The following SRRM1 variants were observed in gnomAD, a reference collection of about 807,000 sequenced individuals.
SRRM1 encodes the protein serine/arginine repetitive matrix protein 1.
In SRRM1, 19 loss-of-function variants were observed where a neutral mutation model predicts 110.2. The ratio of observed to expected loss-of-function variants is 0.17; its 90% CI spans 0.12 to 0.25. The LOEUF is 0.25. SRRM1 is among the 10% of genes least tolerant of loss of function. SRRM1 has a pLI of 1.00. For missense variants in SRRM1, 918 were observed against 1,145.8 expected, an observed-to-expected ratio of 0.80 and a Z score of 2.87; for synonymous variants, 443 against 414.9, an observed-to-expected ratio of 1.07 and a Z score of -0.82.
At chr1:24,661,123 A>G in intron 10 of SRRM1, 187 bp from the exon 11 acceptor site, 2 of 553,772 alleles carry the variant, frequency 3.6e-6, no homozygotes, top group Non-Finnish European at 6.5e-6. Context: ...AAATTTTATT[A>G]TATTTGGTGA....
chr1:24,669,537 T>C lies in SRRM1; in HGVS notation c.2154T>C (p.Thr718=). The C allele has an allele frequency of 6.2e-7, 1 of 1,605,718 alleles. No individual in the cohort carries two copies. Among genetic ancestry groups the C allele is most frequent in the Non-Finnish European group, 8.5e-7 (1 of 1,176,022 alleles). The part of the protein sequence containing the change: ...PQRRQSPSPS[T]RPIRRVSRTP... Reference sequence around the variant, plus strand: ...GAAGGCAGTCCCCGTCTCCAAGTACTAGGCCCATTAGGAGAGTCTCCAGGA... The same window carrying C: ...GAAGGCAGTCCCCGTCTCCAAGTACCAGGCCCATTAGGAGAGTCTCCAGGA... Residue 718 remains threonine (T), a synonymous_variant, in exon 14 of 17, where the codon ACT becomes ACC. Transcript: ENST00000323848.
At chr1:24,660,675 C>A in intron 9 of SRRM1, 44 bp from the exon 10 acceptor site, 1 of 1,122,374 alleles carries the variant, frequency 8.9e-7, no homozygotes, top group Non-Finnish European at 1.3e-6. Flanking sequence ...TTGTATAGAC[C>A]TTTTTTTGTA....
At position 24,651,553 on chromosome 1, in the gene SRRM1, G is replaced by A; in HGVS notation, c.666G>A (p.Glu222=). Residue 222 remains glutamate (E), a synonymous_variant, in exon 6 of 17, where the codon GAG becomes GAA. Transcript: ENST00000323848. ...CAGAAAAGAAGGAAAAAACTCCAGAGCTCCCAGAACCTTCAGTGAAAGTAA... is the reference window on the plus strand; with the variant it reads ...CAGAAAAGAAGGAAAAAACTCCAGAACTCCCAGAACCTTCAGTGAAAGTAA... ...PAPEKKEKTP[E]LPEPSVKVKE... The A allele has an allele frequency of 3.1e-6, 5 of 1,614,012 alleles. No individual in the cohort carries two copies. Among genetic ancestry groups the A allele is most frequent in the Non-Finnish European group, 4.2e-6 (5 of 1,180,014 alleles).
At position 24,669,381 on chromosome 1, in the gene SRRM1, A is replaced by G. The variant is rs199504502; in HGVS notation, c.1998A>G (p.Pro666=). The change falls in exon 14 of 17, where the codon CCA becomes CCG. Residue 666 remains proline, a synonymous_variant. Coordinates refer to ENST00000323848, the MANE Select transcript of SRRM1 (RefSeq NM_005839.4). ...LSSKHRKGSS[P]SRSTREARSP... is the part of the protein sequence containing the mutation. ...CCAAGCATAGGAAAGGGTCTTCCCC[A>G]AGCCGCTCTACCCGGGAGGCCCGAT... The G allele has an allele frequency of 6.2e-6, 10 of 1,614,156 alleles. No homozygotes were observed. The East Asian group carries it at 2.0e-4, about 32-fold the overall frequency.
At position 24,645,718 on chromosome 1, in the gene SRRM1, T is replaced by C. The variant is rs139070381; in HGVS notation, c.22-266T>C. On this transcript the variant is annotated intron_variant, in intron 1 of 16. Coordinates refer to ENST00000323848, the MANE Select transcript of SRRM1 (RefSeq NM_005839.4). ...GAAAGGATACAAATCAAATCTAACA[T>C]TGGATATGAGGAGGTGTTGGCTTTA... 4.4e-3 allele frequency among the ~76,000 whole-genome samples: 664 copies of C among 152,314 alleles called. 2 individuals are homozygous for C. The highest frequency in any genetic ancestry group is 6.1e-3 in the Non-Finnish European group (415 of 68,020).
rs1262183415 is a variant in SRRM1 at position 24,662,665 on chromosome 1, G to C, written c.1489G>C (p.Gly497Arg). ...RQNQQSSSDS[G>R]SSSSSEDERP... ...TTTTAATTTTGTAATTATAGACTCT[G>C]GCTCCTCCTCCTCCTCAGAAGATGA... Residue 497 changes from glycine to arginine, a missense_variant, in exon 12 of 17, where the codon GGC becomes CGC. Gly to Arg is a moderately radical substitution (Grantham distance 125). Coordinates refer to ENST00000323848, the MANE Select transcript of SRRM1 (RefSeq NM_005839.4). 4 of 1,613,224 alleles carry C rather than the reference G, an allele frequency of 2.5e-6. No homozygotes were observed. The highest frequency in any genetic ancestry group is 3.3e-5 in the Admixed American group (2 of 59,880).
chr1:24,645,686 A>G (rs1657088684), intron 1 of SRRM1, among the ~76,000 whole-genome samples: 1 of 152,228 alleles, frequency 6.6e-6, no homozygotes, highest in Non-Finnish European at 1.5e-5. Flanking sequence ...AGCATAGGAA[A>G]AGGTGTGAAA....
intron 9 of SRRM1, among the ~76,000 whole-genome samples, chr1:24,655,548 G>A (rs961084731): frequency 5.9e-5 from 9 of 152,096 alleles, no homozygotes; most frequent in African/African-American, 9.6e-5. Context: ...GTCGCATTGC[G>A]CTCCCAAGCA....
rs377652279 is a variant in SRRM1 at position 24,652,491 on chromosome 1, G to A, written c.783G>A (p.Pro261=). 3.2e-5 allele frequency: 52 copies of A among 1,609,228 alleles called. No individual in the cohort carries two copies. Among genetic ancestry groups the A allele is most frequent in the Admixed American group, 3.0e-4 (18 of 59,592 alleles). The change falls in exon 7 of 17, where the codon CCG becomes CCA. Residue 261 remains proline (P), a synonymous_variant. Coordinates refer to ENST00000323848, the MANE Select transcript of SRRM1 (RefSeq NM_005839.4). ...TACCAGAGCCTAAAGAACCTTCTCC[G>A]GAAAAAAATTCCAAAAAAGAAAAGG... The part of the protein sequence containing the change: ...EPIPEPKEPS[P]EKNSKKEKEK...
Position 24,661,296 on chromosome 1 carries a change from C to G in SRRM1, c.1397-14C>G. ...TAACTAAAGAAACACTTTCTAAATG[C>G]ATCCATCTTTCAGAAGAAGATAAAG... On this transcript the variant is annotated splice_polypyrimidine_tract_variant and intron_variant, in intron 10 of 16. Coordinates refer to ENST00000323848, the MANE Select transcript of SRRM1 (RefSeq NM_005839.4). The G allele has an allele frequency of 6.2e-7, 1 of 1,601,118 alleles. No homozygotes were observed. Among genetic ancestry groups the G allele is most frequent in the Non-Finnish European group, 8.5e-7 (1 of 1,169,888 alleles).
At chr1:24,663,220 A>T in intron 12 of SRRM1, 1 of 1,510,642 alleles carries the variant, frequency 6.6e-7, no homozygotes, top group Non-Finnish European at 8.9e-7. Context: ...GCCAGTGACT[A>T]AAAGGTTGGT....
At chr1:24,666,590 C>T (rs1478170946) in intron 12 of SRRM1, 5 of 395,606 alleles carry the variant, frequency 1.3e-5, no homozygotes, top group African/African-American at 2.1e-5. Flanking sequence ...GGTGAAACTC[C>T]GTCTCTACAA....
Position 24,652,484 on chromosome 1 carries a change from C to G in SRRM1, c.776C>G (p.Pro259Arg), listed in dbSNP as rs748878564. 1 of 1,610,728 alleles carries G rather than the reference C, an allele frequency of 6.2e-7. No individual in the cohort carries two copies. Residue 259 changes from proline to arginine, a missense_variant, in exon 7 of 17, where the codon CCT becomes CGT. By Grantham distance (103) the Pro-to-Arg change is moderately radical (BLOSUM62 -2). Around this residue, in one of 5 missense-constraint regions of SRRM1, gnomAD observed 456 missense variants for 453.5 expected, o/e 1.01. Coordinates refer to ENST00000323848, the MANE Select transcript of SRRM1 (RefSeq NM_005839.4). ...KPEPIPEPKE[P>R]SPEKNSKKEK... The stretch of plus-strand genomic sequence containing the variant: ...GAACCTATACCAGAGCCTAAAGAAC[C>G]TTCTCCGGAAAAAAATTCCAAAAAA...
At chr1:24,655,881 C>T (rs973761855) in intron 9 of SRRM1, among the ~76,000 whole-genome samples, 10 of 152,090 alleles carry the variant, frequency 6.6e-5, no homozygotes, top group Non-Finnish European at 1.5e-4. Flanking sequence ...GCTGCTAAAG[C>T]AATTGAGTTT....
intron 1 of SRRM1, 133 bp downstream of exon 1, chr1:24,643,480 GCACC>G: frequency 2.5e-5 from 13 of 520,902 alleles, no homozygotes; most frequent in Non-Finnish European, 5.4e-6. Flanking sequence ...TAGAGCCGGC[GCACC>G]CCCCCCCCCC....
chr1:24,644,884 A>G (rs1656443597), intron 1 of SRRM1, among the ~76,000 whole-genome samples: 1 of 152,220 alleles, frequency 6.6e-6, no homozygotes, highest in South Asian at 2.1e-4. Context: ...AGCAAATTTT[A>G]ACATGAAGTT....
chr1:24,647,373 A>G (rs992606206), intron 3 of SRRM1: 2 of 152,586 alleles, frequency 1.3e-5, no homozygotes, highest in Admixed American at 6.5e-5. Flanking sequence ...ATTGTTTTTA[A>G]AGGAACTAAG....
At chr1:24,646,544 G>C in intron 2 of SRRM1, 123 bp from the exon 3 acceptor site, 1 of 703,832 alleles carries the variant, frequency 1.4e-6, no homozygotes. Flanking sequence ...AAAAAAATTA[G>C]CAGATTCTAC....
intron 13 of SRRM1, among the ~76,000 whole-genome samples, chr1:24,667,718 A>C (rs1670691510): frequency 6.6e-6 from 1 of 152,182 alleles, no homozygotes; most frequent in African/African-American, 2.4e-5. Flanking sequence ...CCTGGAACAG[A>C]AAAGGGACAT....
Sources: gnomAD v4.1 joint callset for allele counts (sites outside exome capture counted in the v4.1 genomes callset) on GRCh38, gnomAD v4.1.1 for gene constraint, gnomAD v4.1.1 regional missense constraint, MANE v1.5 for transcripts, NCBI Gene and HGNC (gene_info 2026-07-23, HGNC 2026-07-21) for gene names.